The following IMPG1 variants were observed in gnomAD, a reference collection of about 807,000 sequenced individuals.
The protein encoded by IMPG1 is interphotoreceptor matrix proteoglycan 1.
In IMPG1, 85 loss-of-function variants were observed where a neutral mutation model predicts 92.0. That is an observed-to-expected ratio of 0.92 (90% CI 0.78 to 1.11). The LOEUF is 1.11. Ranked by LOEUF, IMPG1 falls within the 50% of genes least tolerant of loss-of-function variation. IMPG1 has a pLI of 0.00. For synonymous variants in IMPG1, 367 were observed against 334.1 expected (o/e 1.10, Z -1.08); for missense variants, 1,022 against 956.0 (o/e 1.07, Z -0.91).
chr6:75,981,052 T>C (rs951473138), intron 12 of IMPG1, among the ~76,000 whole-genome samples: 1 of 152,164 alleles, frequency 6.6e-6, no homozygotes, highest in Non-Finnish European at 1.5e-5. Context: ...ATGGGGAAAT[T>C]TAGTGATGAA....
chr6:75,964,325 A>C (rs899774766), intron 12 of IMPG1, among the ~76,000 whole-genome samples: 25 of 151,804 alleles, frequency 1.6e-4, no homozygotes, highest in African/African-American at 6.1e-4. Context: ...GAAACCACTG[A>C]ATTGTCTACA....
chr6:76,072,026 T>A (rs140696325), intron 1 of IMPG1, among the ~76,000 whole-genome samples: 1 of 152,102 alleles, frequency 6.6e-6, no homozygotes, highest in Non-Finnish European at 1.5e-5. Context: ...ACTTACTTTT[T>A]TTTGTCTGAC....
chr6:76,038,083 A>G (rs1310534892), intron 2 of IMPG1, among the ~76,000 whole-genome samples: 1 of 152,214 alleles, frequency 6.6e-6, no homozygotes. Flanking sequence ...CCTGGGTGCT[A>G]TGTAGCCTGA....
intron 15 of IMPG1, among the ~76,000 whole-genome samples, chr6:75,930,464 G>T (rs1455966909): frequency 1.3e-5 from 2 of 152,130 alleles, no homozygotes; most frequent in Non-Finnish European, 2.9e-5. Context: ...AACACCAAAA[G>T]ATAATGTGTT....
At chr6:76,068,327 GAA>G (rs1156817264) in intron 1 of IMPG1, among the ~76,000 whole-genome samples, 148 of 152,142 alleles carry the variant, frequency 9.7e-4, no homozygotes, top group African/African-American at 3.5e-3. Context: ...TTTGACAGAT[GAA>G]CTCAGTAAAG....
chr6:76,021,536 AT>A (rs1783424273), intron 6 of IMPG1, among the ~76,000 whole-genome samples: 1 of 151,852 alleles, frequency 6.6e-6, no homozygotes, highest in Non-Finnish European at 1.5e-5. Flanking sequence ...CCATCCTCTC[AT>A]CCCACATACC....
chr6:75,949,416 G>A (rs1372636880), intron 13 of IMPG1, among the ~76,000 whole-genome samples: 2 of 152,166 alleles, frequency 1.3e-5, no homozygotes, highest in Non-Finnish European at 2.9e-5. Flanking sequence ...GCAATGTCAG[G>A]AAGTTACCCT....
chr6:75,967,924 T>C (rs1390552649), intron 12 of IMPG1, among the ~76,000 whole-genome samples: 4 of 152,176 alleles, frequency 2.6e-5, no homozygotes, highest in Non-Finnish European at 5.9e-5. Flanking sequence ...CATGAACCCT[T>C]TTTGAAACAA....
chr6:75,937,518 T>G (rs1187827539), intron 14 of IMPG1, among the ~76,000 whole-genome samples: 1 of 152,198 alleles, frequency 6.6e-6, no homozygotes, highest in Non-Finnish European at 1.5e-5. Context: ...GGTAATAGTT[T>G]GACCAGCAAA....
At chr6:76,068,111 C>G (rs1255083436) in intron 1 of IMPG1, among the ~76,000 whole-genome samples, 2 of 152,142 alleles carry the variant, frequency 1.3e-5, no homozygotes. Context: ...TGAAAGCATA[C>G]CCCTAAGAAC....
Position 75,976,738 on chromosome 6 carries a change from C to G in IMPG1, c.1292-25644G>C, listed in dbSNP as rs181865117. On this transcript the variant is annotated intron_variant, in intron 12 of 16. Coordinates refer to ENST00000369950, the MANE Select transcript of IMPG1 (RefSeq NM_001563.4). ...CATCCTGGCCAACACGGTGAAACCT[C>G]GTCTCTACTAAAAAATACAAAGAAC... is the stretch of plus-strand genomic sequence containing the variant. Among the ~76,000 whole-genome samples the G allele has an allele frequency of 3.3e-3, 497 of 152,004 alleles. 2 individuals are homozygous for G. Among genetic ancestry groups the G allele is most frequent in the African/African-American group, 0.011 (464 of 41,464 alleles).
chr6:76,004,023 C>T, intron 10 of IMPG1, 73 bp from the exon 11 acceptor site: 2 of 1,142,732 alleles, frequency 1.8e-6, no homozygotes, highest in East Asian at 2.5e-5. Context: ...TAAAACAGTC[C>T]AGGTTGAAAT....
chr6:75,963,733 G>A (rs1373216932), intron 12 of IMPG1, among the ~76,000 whole-genome samples: 2 of 152,286 alleles, frequency 1.3e-5, no homozygotes, highest in South Asian at 2.1e-4. Context: ...CCACTCCCCA[G>A]CTCAGTGGTA....
intron 12 of IMPG1, among the ~76,000 whole-genome samples, chr6:75,959,566 C>G (rs1037722987): frequency 1.3e-5 from 2 of 152,084 alleles, no homozygotes; most frequent in Non-Finnish European, 2.9e-5. Flanking sequence ...GATGCCCTGC[C>G]CAGAGAGGAG....
chr6:75,999,084 T>G (rs1441754182), intron 12 of IMPG1, among the ~76,000 whole-genome samples: 2 of 152,034 alleles, frequency 1.3e-5, no homozygotes, highest in Non-Finnish European at 2.9e-5. Context: ...CTCGAACTCC[T>G]GACCTCAAGG....
rs189190169 is a variant in IMPG1 at position 75,929,739 on chromosome 6, A to T, written c.2243+1214T>A. ...AAAAAAGAAAAACGGGAAATAAAAT[A>T]AAATTAAAGTAAATTAAAAAAAAAA... On this transcript the variant is annotated intron_variant, in intron 15 of 16. Transcript: ENST00000369950. Among the ~76,000 whole-genome samples, 963 of 151,672 alleles carry T rather than the reference A, an allele frequency of 6.3e-3. 10 individuals carry two copies. Among genetic ancestry groups the T allele is most frequent in the African/African-American group, 0.022 (923 of 41,472 alleles).
rs753319298 is a variant in IMPG1, at chr6:76,002,923, A to G, written c.1286T>C (p.Leu429Pro). ...CTTTGTGAGGGGAAACTTACCAGGT[A>G]GACCATGCTCTGCTCCGTCCACTGT... ...LETVDGAEHGLPDTSWSPPAM... is the reference protein window; with the variant it reads ...LETVDGAEHGPPDTSWSPPAM... The change falls in exon 12 of 17, where the codon CTA becomes CCA. Residue 429 changes from leucine to proline, a missense_variant. Transcript: ENST00000369950. 1.2e-6 allele frequency: 2 copies of G among 1,612,258 alleles called. No homozygotes were observed. Among genetic ancestry groups the G allele is most frequent in the Non-Finnish European group, 8.5e-7 (1 of 1,178,470 alleles).
Position 76,072,449 on chromosome 6 carries a change from T to A in IMPG1, c.40A>T (p.Ile14Phe). The A allele has an allele frequency of 6.3e-7, 1 of 1,597,752 alleles. No homozygotes were observed. Among genetic ancestry groups the A allele is most frequent in the Non-Finnish European group, 8.6e-7 (1 of 1,168,892 alleles). The change falls in exon 1 of 17, where the codon ATT (isoleucine) becomes TTT (phenylalanine). Residue 14 changes from isoleucine (I) to phenylalanine (F), a missense_variant. By Grantham distance (21) the Ile-to-Phe change is conservative. Coordinates refer to ENST00000369950, the MANE Select transcript of IMPG1 (RefSeq NM_001563.4). ...TTGGTTCCTTGAACTTGGAGAAAAA[T>A]CCAAAAAACAAAAATAGCTCTTCTA... The part of the protein sequence containing the change: ...ETRRAIFVFW[I>F]FLQVQGTKDI...
intron 12 of IMPG1, among the ~76,000 whole-genome samples, chr6:75,993,445 T>G (rs1281521475): frequency 6.6e-6 from 1 of 151,160 alleles, no homozygotes; most frequent in Admixed American, 6.6e-5. Flanking sequence ...TCTAGTTGTA[T>G]CCCCACATGG....
Sources: allele counts gnomAD v4.1 joint callset (sites outside exome capture counted in the v4.1 genomes callset), GRCh38; gene constraint gnomAD v4.1.1; transcripts MANE v1.5; gene names NCBI Gene and HGNC (gene_info 2026-07-23, HGNC 2026-07-21).